SUMF1: variants seen among roughly 807,000 people sequenced by gnomAD.
SUMF1 encodes the protein sulfatase modifying factor 1.
In SUMF1, 48 loss-of-function variants were observed where a neutral mutation model predicts 47.6. The observed-to-expected ratio is 1.01, with a 90% CI of 0.80 to 1.28. The LOEUF is 1.28. Ranked by LOEUF, SUMF1 falls within the 50% of genes most tolerant of loss-of-function variation. SUMF1 has a pLI of 0.00. For synonymous variants in SUMF1, 230 were observed against 192.1 expected (o/e 1.20, Z -1.63); for missense variants, 571 against 485.4 (o/e 1.18, Z -1.66).
At chr3:4,270,475 C>T (rs1479154580) in intron 8 of SUMF1, among the ~76,000 whole-genome samples, 3 of 151,782 alleles carry the variant, frequency 2.0e-5, no homozygotes, top group Non-Finnish European at 4.4e-5. Flanking sequence ...TCAAAGGATA[C>T]AGGTAAATAG....
At chr3:4,177,067 C>T (rs1694981576) in intron 8 of SUMF1, among the ~76,000 whole-genome samples, 1 of 152,086 alleles carries the variant, frequency 6.6e-6, no homozygotes, top group Admixed American at 6.6e-5. Flanking sequence ...CAAAGAGACT[C>T]AGACTCCCAC....
At chr3:4,153,753 T>C (rs1694391919) in intron 8 of SUMF1, among the ~76,000 whole-genome samples, 1 of 151,570 alleles carries the variant, frequency 6.6e-6, no homozygotes, top group Admixed American at 6.6e-5. Flanking sequence ...ACATATTCCA[T>C]TTCTGTATGT....
chr3:4,147,809 G>C (rs1451113198), intron 8 of SUMF1, among the ~76,000 whole-genome samples: 1 of 152,068 alleles, frequency 6.6e-6, no homozygotes, highest in African/African-American at 2.4e-5. Flanking sequence ...ATATCAATCG[G>C]AGATGGAAAT....
At chr3:4,189,288 G>A (rs1257930977) in intron 8 of SUMF1, among the ~76,000 whole-genome samples, 1 of 152,120 alleles carries the variant, frequency 6.6e-6, no homozygotes, top group East Asian at 1.9e-4. Flanking sequence ...TCTGCATTTT[G>A]CTATCACCCA....
At chr3:4,222,134 A>G (rs963621670) in intron 8 of SUMF1, among the ~76,000 whole-genome samples, 1 of 152,140 alleles carries the variant, frequency 6.6e-6, no homozygotes, top group Non-Finnish European at 1.5e-5. Flanking sequence ...CTGGAAGAGC[A>G]TGTACCAAAA....
At chr3:4,092,024 A>C (rs1218450988) in intron 8 of SUMF1, among the ~76,000 whole-genome samples, 1 of 152,102 alleles carries the variant, frequency 6.6e-6, no homozygotes, top group African/African-American at 2.4e-5. Context: ...GCAAGGAGTA[A>C]AGGAGTAGAC....
At chr3:4,223,296 C>G (rs754368735) in intron 8 of SUMF1, among the ~76,000 whole-genome samples, 9 of 152,092 alleles carry the variant, frequency 5.9e-5, no homozygotes, top group Non-Finnish European at 1.3e-4. Flanking sequence ...TGAATGTAAA[C>G]TTGATTTCTT....
chr3:4,320,090 A>G (rs1228539718), intron 8 of SUMF1, among the ~76,000 whole-genome samples: 1 of 152,220 alleles, frequency 6.6e-6, no homozygotes, highest in Non-Finnish European at 1.5e-5. Context: ...GACATTGTGT[A>G]TTTGTGAAAA....
At chr3:4,126,967 C>A (rs1383911001) in intron 8 of SUMF1, among the ~76,000 whole-genome samples, 1 of 151,988 alleles carries the variant, frequency 6.6e-6, no homozygotes, top group Non-Finnish European at 1.5e-5. Context: ...TGAAGAAGAA[C>A]AAAATTACAA....
intron 3 of SUMF1, among the ~76,000 whole-genome samples, chr3:4,429,175 C>T (rs890489823): frequency 2.6e-5 from 4 of 152,202 alleles, no homozygotes; most frequent in South Asian, 2.1e-4. Context: ...AACCTGAGAG[C>T]GTGTCTTTAT....
chr3:4,261,268 A>C (rs978151928), intron 8 of SUMF1, among the ~76,000 whole-genome samples: 1 of 152,206 alleles, frequency 6.6e-6, no homozygotes, highest in Non-Finnish European at 1.5e-5. Context: ...GGAGAGAAAC[A>C]TTCAGTTTAA....
chr3:4,356,408 TTCCGTGGGGACAGCGTGGGGAC>T (rs1160802000), downstream of SUMF1, among the ~76,000 whole-genome samples: 1 of 151,232 alleles, frequency 6.6e-6, no homozygotes, highest in Non-Finnish European at 1.5e-5. Flanking sequence ...TTAAATGGTT[TTCCGTGGGGACAGCGTGGGGAC>T]AGCGTGGGGA....
At chr3:4,354,933 C>T (rs755262969) in intron 8 of SUMF1, among the ~76,000 whole-genome samples, 4 of 152,162 alleles carry the variant, frequency 2.6e-5, no homozygotes, top group Admixed American at 6.5e-5. Context: ...ATTATTATTC[C>T]CATTTTACCT....
rs1255249819 is a variant in SUMF1, at chr3:4,257,482, A to G, written c.1014+118848T>C. ...TACACCAACAACAGACAAACAGAGA[A>G]CCAAATCATGAGTGAACTCCCATTC... On this transcript the variant is annotated intron_variant and NMD_transcript_variant, in intron 8 of 12. Coordinates refer to the SUMF1 transcript ENST00000448413. Among the ~76,000 whole-genome samples, 284 of 149,614 alleles carry G rather than the reference A, an allele frequency of 1.9e-3. 3 individuals carry two copies. Among genetic ancestry groups the G allele is most frequent in the East Asian group, 5.4e-3 (27 of 5,042 alleles).
intron 8 of SUMF1, among the ~76,000 whole-genome samples, chr3:4,137,795 G>T (rs1693977056): frequency 6.6e-6 from 1 of 151,968 alleles, no homozygotes; most frequent in African/African-American, 2.4e-5. Flanking sequence ...CACTGTACTG[G>T]AGGTTCTAGC....
rs11928617 is a variant in SUMF1, at chr3:4,143,294, G to C, written c.1015-74549C>G. 3.0e-4 allele frequency among the ~76,000 whole-genome samples: 45 copies of C among 152,224 alleles called. 1 individual carries two copies. Among genetic ancestry groups the C allele is most frequent in the African/African-American group, 1.1e-3 (44 of 41,542 alleles). ...AACAGACCAGTGCAGAAAAGTTGGT[G>C]CAAATTTCTCCCCATTGTGTACCAG... is the stretch of plus-strand genomic sequence containing the variant. On this transcript the variant is annotated intron_variant and NMD_transcript_variant, in intron 8 of 12. Coordinates refer to the SUMF1 transcript ENST00000448413.
intron 7 of SUMF1, among the ~76,000 whole-genome samples, chr3:4,388,570 G>T (rs1483651662): frequency 6.6e-6 from 1 of 151,634 alleles, no homozygotes; most frequent in African/African-American, 2.4e-5. Context: ...ATAATTATTG[G>T]TATGTCAAAG....
In SUMF1 at chr3:4,435,333, T is replaced by A. The variant is rs1702362827; in HGVS notation, c.519+13933A>T. On this transcript the variant is annotated intron_variant, in intron 3 of 8. Transcript: ENST00000272902. The stretch of plus-strand genomic sequence containing the variant: ...AGAAAATAGGGAACCTGAAGACATA[T>A]CAACAGAAGGTACACAATCTGAAGA... 2.6e-5 allele frequency among the ~76,000 whole-genome samples: 4 copies of A among 152,040 alleles called. No homozygotes were observed. In the South Asian group the frequency reaches 8.3e-4, roughly 32 times the overall value.
chr3:4,252,352 G>GCA (rs142977510), intron 8 of SUMF1, among the ~76,000 whole-genome samples: 8,011 of 129,594 alleles, frequency 0.062, 369 homozygotes, highest in African/African-American at 0.12. Context: ...ACACACATGC[G>GCA]CACACACACA....
Sources: gnomAD v4.1 joint callset for allele counts (sites outside exome capture counted in the v4.1 genomes callset) on GRCh38, gnomAD v4.1.1 for gene constraint, MANE v1.5 for transcripts, NCBI Gene and HGNC (gene_info 2026-07-23, HGNC 2026-07-21) for gene names.